Variants in TBC1D4 observed in about 807,000 individuals in gnomAD.
TBC1D4 encodes the protein TBC1 domain family member 4.
In TBC1D4, 121 loss-of-function variants were observed where a neutral mutation model predicts 142.5. That is an observed-to-expected ratio of 0.85 (90% CI 0.73 to 0.99). The LOEUF (loss-of-function observed/expected upper bound fraction) is 0.99. Ranked by LOEUF, TBC1D4 falls within the 50% of genes least tolerant of loss-of-function variation. The pLI is 0.00. For synonymous variants in TBC1D4, 630 were observed against 628.2 expected (o/e 1.00, Z -0.04); for missense variants, 1,475 against 1,606.6 (o/e 0.92, Z 1.40).
chr13:75,390,642 T>C (rs1884423751), intron 1 of TBC1D4, among the ~76,000 whole-genome samples: 1 of 151,966 alleles, frequency 6.6e-6, no homozygotes, highest in African/African-American at 2.4e-5. Context: ...CCTCAAGACT[T>C]GGAATGATGG....
In TBC1D4 at chr13:75,481,520, A is replaced by G. The variant is rs772891312; in HGVS notation, c.248T>C (p.Ile83Thr). ...GCGAPAAREV[I>T]LVLSAPFLRC... ...CAGGAAGGGCGCGCTGAGCACCAGG[A>G]TCACCTCTCGGGCCGCCGGCGCCCC... The change falls in exon 1 of 21, where the codon ATC becomes ACC. Residue 83 changes from isoleucine (I) to threonine (T), a missense_variant. Transcript: ENST00000377636. The G allele has an allele frequency of 7.5e-6, 12 of 1,609,998 alleles. No individual in the cohort carries two copies. In the Admixed American group the frequency reaches 1.0e-4, roughly 13 times the overall value.
At chr13:75,302,214 G>C (rs1876633954) in intron 16 of TBC1D4, 29 bp downstream of exon 16, 1 of 1,613,670 alleles carries the variant, frequency 6.2e-7, no homozygotes, top group Non-Finnish European at 8.5e-7. Flanking sequence ...GTTTACTTTT[G>C]TAAATTATAA....
Position 75,432,496 on chromosome 13 carries a change from C to G in TBC1D4, c.498+48774G>C, listed in dbSNP as rs191586844. ...GTCGGGTGGAGAGAAGCACTGGGGA[C>G]TAGGAAGAGGGCAGAACCAGAATTC... On this transcript the variant is annotated intron_variant, in intron 1 of 20. Coordinates refer to ENST00000377636, the MANE Select transcript of TBC1D4 (RefSeq NM_014832.5). 3.1e-3 allele frequency among the ~76,000 whole-genome samples: 479 copies of G among 152,082 alleles called. 2 individuals are homozygous for G. The highest frequency in any genetic ancestry group is 0.011 in the African/African-American group (455 of 41,490).
chr13:75,480,547 A>G (rs1469823694), intron 1 of TBC1D4, among the ~76,000 whole-genome samples: 1 of 152,238 alleles, frequency 6.6e-6, no homozygotes, highest in Non-Finnish European at 1.5e-5. Context: ...ATTAAAAACA[A>G]AAGTGAAAAA....
At chr13:75,388,778 C>T (rs1171722492) in intron 1 of TBC1D4, among the ~76,000 whole-genome samples, 1 of 152,186 alleles carries the variant, frequency 6.6e-6, no homozygotes, top group Non-Finnish European at 1.5e-5. Flanking sequence ...TACTATGGTC[C>T]TCAAGTCTTC....
At chr13:75,311,516 C>T (rs2137935039) in intron 13 of TBC1D4, among the ~76,000 whole-genome samples, 1 of 152,154 alleles carries the variant, frequency 6.6e-6, no homozygotes, top group Admixed American at 6.5e-5. Context: ...TAATACCTGG[C>T]TCTCTTACTA....
At chr13:75,422,113 G>A (rs1470303976) in intron 1 of TBC1D4, among the ~76,000 whole-genome samples, 1 of 152,192 alleles carries the variant, frequency 6.6e-6, no homozygotes, top group Non-Finnish European at 1.5e-5. Flanking sequence ...TGTTTTAAAT[G>A]TCACCTATTG....
At chr13:75,394,709 CATTT>C (rs1357701701) in intron 1 of TBC1D4, among the ~76,000 whole-genome samples, 1 of 152,180 alleles carries the variant, frequency 6.6e-6, no homozygotes, top group African/African-American at 2.4e-5. Context: ...TTTGTTCATT[CATTT>C]GTTCATTGTT....
At position 75,299,608 on chromosome 13, in the gene TBC1D4, A is replaced by T. The variant is rs758028603; in HGVS notation, c.2912-34T>A. 2.9e-5 allele frequency: 46 copies of T among 1,612,268 alleles called. No individual in the cohort carries two copies. In the South Asian group the frequency reaches 5.1e-4, roughly 18 times the overall value. On this transcript the variant is annotated intron_variant, in intron 16 of 20. Coordinates refer to ENST00000377636, the MANE Select transcript of TBC1D4 (RefSeq NM_014832.5). ...GAAAAGAAGGAAAATATTTTTTGAA[A>T]TGTCCTCATGCCTTGGAGACAACAG...
chr13:75,341,019 A>G, intron 7 of TBC1D4, 106 bp downstream of exon 7: 1 of 952,802 alleles, frequency 1.0e-6, no homozygotes, highest in Non-Finnish European at 1.7e-6. Flanking sequence ...AGTTCAGGAA[A>G]CTCTGATAGG....
intron 4 of TBC1D4, among the ~76,000 whole-genome samples, chr13:75,350,611 G>T (rs190205301): frequency 9.9e-5 from 15 of 152,162 alleles, no homozygotes; most frequent in African/African-American, 3.6e-4. Context: ...CCTTGTTAAC[G>T]CATTCAAAAG....
intron 1 of TBC1D4, among the ~76,000 whole-genome samples, chr13:75,407,876 AAAAAG>A (rs1322053918): frequency 3.3e-5 from 5 of 152,198 alleles, no homozygotes; most frequent in African/African-American, 1.2e-4. Context: ...AATAGAAAAA[AAAAAG>A]AAAAGAGATG....
intron 1 of TBC1D4, among the ~76,000 whole-genome samples, chr13:75,448,323 A>T (rs1306077617): frequency 6.6e-6 from 1 of 152,072 alleles, no homozygotes; most frequent in Non-Finnish European, 1.5e-5. Context: ...AAAACACTTT[A>T]TGGAGAGGCC....
chr13:75,394,686 T>G (rs903491977), intron 1 of TBC1D4, among the ~76,000 whole-genome samples: 1 of 152,244 alleles, frequency 6.6e-6, no homozygotes, highest in African/African-American at 2.4e-5. Flanking sequence ...TTAAAAAGTA[T>G]GTGGTTAGCT....
At chr13:75,470,224 T>C (rs375284578) in intron 1 of TBC1D4, among the ~76,000 whole-genome samples, 19 of 152,214 alleles carry the variant, frequency 1.2e-4, no homozygotes, top group African/African-American at 4.6e-4. Context: ...ATAAAGTCTC[T>C]GTCACAAATG....
intron 20 of TBC1D4, 89 bp downstream of exon 20, chr13:75,288,845 C>G (rs2137822868): frequency 7.3e-7 from 1 of 1,371,378 alleles, no homozygotes; most frequent in East Asian, 2.3e-5. Context: ...ATGGTTCATT[C>G]CACGCACATA....
chr13:75,439,553 C>T (rs1886947073), intron 1 of TBC1D4, among the ~76,000 whole-genome samples: 1 of 152,176 alleles, frequency 6.6e-6, no homozygotes, highest in East Asian at 1.9e-4. Context: ...CTCACTTATT[C>T]TTGCTTAGAA....
chr13:75,456,037 C>G (rs1416929645), intron 1 of TBC1D4, among the ~76,000 whole-genome samples: 1 of 151,692 alleles, frequency 6.6e-6, no homozygotes, highest in Non-Finnish European at 1.5e-5. Flanking sequence ...CACTATGTTG[C>G]CCAGGCTGGC....
At chr13:75,312,417 A>G (rs866209945) in intron 13 of TBC1D4, among the ~76,000 whole-genome samples, 24 of 140,128 alleles carry the variant, frequency 1.7e-4, no homozygotes, top group African/African-American at 3.6e-4. Context: ...AATCTCTGGG[A>G]AAAAAAAAAA....
Sources: allele counts gnomAD v4.1 joint callset (sites outside exome capture counted in the v4.1 genomes callset), GRCh38; gene constraint gnomAD v4.1.1; transcripts MANE v1.5; gene names NCBI Gene and HGNC (gene_info 2026-07-23, HGNC 2026-07-21).